The following C13orf42 variants were observed in gnomAD, a reference collection of about 807,000 sequenced individuals.
C13orf42 encodes the protein chromosome 13 open reading frame 42.
chr13:51,115,107 G>C (rs1953477437), upstream of C13orf42, among the ~76,000 whole-genome samples: 2 of 152,150 alleles, frequency 1.3e-5, 1 homozygote, highest in South Asian at 4.2e-4. Context: ...ATAAAAATAT[G>C]ATTACTACTA....
intron 1 of C13orf42, among the ~76,000 whole-genome samples, chr13:51,161,123 CT>C (rs150452888): frequency 0.017 from 1,302 of 78,684 alleles, 51 homozygotes; most frequent in African/African-American, 0.041. Context: ...CCCACATATA[CT>C]TAAAAGTAGT....
At chr13:51,116,858 C>T (rs1375122979) in intron 1 of C13orf42, among the ~76,000 whole-genome samples, 1 of 152,228 alleles carries the variant, frequency 6.6e-6, no homozygotes, top group African/African-American at 2.4e-5. Context: ...GAGCCTCTCC[C>T]TCTCCACATG....
intron 1 of C13orf42, among the ~76,000 whole-genome samples, chr13:51,169,863 G>A (rs1334076124): frequency 6.6e-6 from 1 of 152,212 alleles, no homozygotes; most frequent in Non-Finnish European, 1.5e-5. Flanking sequence ...CAGGGGTGGA[G>A]TCTGTCAGGC....
chr13:51,144,915 T>C (rs921250965), intron 1 of C13orf42, among the ~76,000 whole-genome samples: 4 of 152,238 alleles, frequency 2.6e-5, no homozygotes, highest in African/African-American at 4.8e-5. Flanking sequence ...TGTATACAAA[T>C]AATTAGGCCA....
chr13:51,126,456 A>G (rs1953578124), intron 1 of C13orf42, among the ~76,000 whole-genome samples: 1 of 152,228 alleles, frequency 6.6e-6, no homozygotes. Flanking sequence ...AGGAGGGCAT[A>G]TTAAAATTAT....
At chr13:51,100,887 T>C (rs1358692338) in intron 1 of C13orf42, among the ~76,000 whole-genome samples, 1 of 152,196 alleles carries the variant, frequency 6.6e-6, no homozygotes, top group Non-Finnish European at 1.5e-5. Flanking sequence ...TTAGCAATTG[T>C]TTGTAGAAGG....
intron 1 of C13orf42, among the ~76,000 whole-genome samples, chr13:51,170,734 C>T (rs1222285686): frequency 6.6e-6 from 1 of 152,132 alleles, no homozygotes; most frequent in African/African-American, 2.4e-5. Flanking sequence ...TGTCAGACCA[C>T]GCAGGGACGC....
chr13:51,159,612 G>A (rs1407754298), intron 1 of C13orf42, among the ~76,000 whole-genome samples: 1 of 152,152 alleles, frequency 6.6e-6, no homozygotes, highest in East Asian at 1.9e-4. Context: ...AGATCTCAGG[G>A]TTATTGAAAT....
chr13:51,164,214 A>T (rs9670400), intron 1 of C13orf42, among the ~76,000 whole-genome samples: 22,631 of 152,198 alleles, frequency 0.15, 2,019 homozygotes, highest in East Asian at 0.27. Context: ...TATCTTAGAC[A>T]TGTGATCATG....
chr13:51,154,061 C>T (rs544616293), intron 1 of C13orf42, among the ~76,000 whole-genome samples: 179 of 152,240 alleles, frequency 1.2e-3, no homozygotes, highest in African/African-American at 4.2e-3. Context: ...TTGACAACTC[C>T]GGTACGTCAC....
intron 1 of C13orf42, among the ~76,000 whole-genome samples, chr13:51,171,069 A>AC (rs946661742): frequency 2.0e-5 from 3 of 151,012 alleles, no homozygotes; most frequent in Non-Finnish European, 1.5e-5. Flanking sequence ...GAGGGCAAGA[A>AC]CCCCCCAACC....
At chr13:51,161,863 A>G (rs989097757) in intron 1 of C13orf42, 5 of 463,466 alleles carry the variant, frequency 1.1e-5, no homozygotes, top group African/African-American at 2.0e-5. Context: ...GAGCCCCAAA[A>G]ACTTTATTGT....
Position 51,164,863 on chromosome 13 carries a change from TG to T in C13orf42, n.136+7389del, listed in dbSNP as rs543497162. ...ACATGGACTGAGATCAGGAAAGATG[TG>T]GGTGTTGCAGGTTTGAAGAGGGTCC... On this transcript the variant is annotated intron_variant and non_coding_transcript_variant, in intron 1 of 4. Transcript: ENST00000433280. Among the ~76,000 whole-genome samples the T allele has an allele frequency of 7.1e-3, 1,080 of 152,220 alleles. 9 individuals are homozygous for T. The highest frequency in any genetic ancestry group is 0.014 in the South Asian group (67 of 4,822).
intron 1 of C13orf42, among the ~76,000 whole-genome samples, chr13:51,120,937 C>A (rs1566132238): frequency 6.6e-6 from 1 of 152,208 alleles, no homozygotes; most frequent in Non-Finnish European, 1.5e-5. Flanking sequence ...TCTCTTGAAC[C>A]TGGGAGGCAG....
At chr13:51,145,607 G>A (rs569609094) in intron 1 of C13orf42, among the ~76,000 whole-genome samples, 7 of 152,238 alleles carry the variant, frequency 4.6e-5, no homozygotes, top group Non-Finnish European at 7.4e-5. Context: ...AACTCAAGCT[G>A]GGAACTGCTT....
At chr13:51,089,296 A>T (rs2137977118) in intron 1 of C13orf42, among the ~76,000 whole-genome samples, 1 of 152,308 alleles carries the variant, frequency 6.6e-6, no homozygotes, top group East Asian at 1.9e-4. Context: ...GGAAAGCTCT[A>T]AGAGCTTTCT....
intron 1 of C13orf42, among the ~76,000 whole-genome samples, chr13:51,159,616 T>C (rs1400370506): frequency 1.3e-5 from 2 of 152,206 alleles, no homozygotes; most frequent in Admixed American, 1.3e-4. Context: ...CTCAGGGTTA[T>C]TGAAATTGGT....
chr13:51,108,445 G>C (rs1264693341), intron 1 of C13orf42, among the ~76,000 whole-genome samples: 4 of 152,142 alleles, frequency 2.6e-5, no homozygotes, highest in African/African-American at 4.8e-5. Flanking sequence ...AATGCACAGA[G>C]ACCCAGGCAG....
intron 1 of C13orf42, among the ~76,000 whole-genome samples, chr13:51,163,465 T>G (rs1002513058): frequency 6.6e-6 from 1 of 152,104 alleles, no homozygotes; most frequent in East Asian, 1.9e-4. Context: ...CCAGGGTGTT[T>G]TGAGGACTTA....
Sources: gnomAD v4.1 joint callset for allele counts (sites outside exome capture counted in the v4.1 genomes callset) on GRCh38, gnomAD v4.1.1 for gene constraint, MANE v1.5 for transcripts, NCBI Gene and HGNC (gene_info 2026-07-23, HGNC 2026-07-21) for gene names.